MALRD1: variants seen among roughly 807,000 people sequenced by gnomAD.
The protein encoded by MALRD1 is MAM and LDL receptor class A domain containing 1, also known as MAM and LDL-receptor class A domain-containing protein 1.
Under a neutral mutation model 242.1 loss-of-function variants are expected in MALRD1, and 247 were observed. That is an observed-to-expected ratio of 1.02 (90% CI 0.92 to 1.13). The LOEUF is 1.13. MALRD1 is among the 50% of genes most tolerant of loss of function. MALRD1 has a pLI of 0.00. For missense variants in MALRD1, 2,989 were observed against 2,533.1 expected, an observed-to-expected ratio of 1.18 and a Z score of -3.86; for synonymous variants, 995 against 866.6, an observed-to-expected ratio of 1.15 and a Z score of -2.60.
At chr10:19,366,706 C>T (rs1276179012) in intron 26 of MALRD1, among the ~76,000 whole-genome samples, 1 of 152,026 alleles carries the variant, frequency 6.6e-6, no homozygotes, top group Non-Finnish European at 1.5e-5. Flanking sequence ...ACCATTAGAC[C>T]TTGTGCATTA....
rs368550525 is a variant in MALRD1 at position 19,327,577 on chromosome 10, A to C, written c.3591A>C (p.Lys1197Asn). 2.1e-5 allele frequency: 33 copies of C among 1,549,748 alleles called. No homozygotes were observed. The African/African-American group carries it at 3.6e-4, about 17-fold the overall frequency. Residue 1197 changes from lysine (K) to asparagine (N), a missense_variant, in exon 23 of 40, where the codon AAA becomes AAC. Physicochemically the swap from Lys to Asn is moderately conservative, Grantham distance 94. Transcript: ENST00000454679. Reference sequence around the variant, plus strand: ...TATCTCTATAGGTGCTCATCAAGAAAGATAACGTTACTTCTAAATTGTGGG... The same window carrying C: ...TATCTCTATAGGTGCTCATCAAGAACGATAACGTTACTTCTAAATTGTGGG... The part of the protein sequence containing the change: ...TVGSLQVLIK[K>N]DNVTSKLWAQ...
chr10:19,079,001 A>G (rs11008395), intron 2 of MALRD1, among the ~76,000 whole-genome samples: 42,167 of 150,220 alleles, frequency 0.28, 6,302 homozygotes, highest in African/African-American at 0.39. Context: ...TGTATTTTCT[A>G]TTTTATTTAT....
intron 2 of MALRD1, among the ~76,000 whole-genome samples, chr10:19,078,802 G>A (rs1835396528): frequency 6.6e-6 from 1 of 151,678 alleles, no homozygotes; most frequent in Non-Finnish European, 1.5e-5. Context: ...TTGGTAGTAT[G>A]AAATTATTCA....
At chr10:19,717,310 A>C (rs781485792) in intron 38 of MALRD1, among the ~76,000 whole-genome samples, 4 of 152,210 alleles carry the variant, frequency 2.6e-5, no homozygotes, top group African/African-American at 7.2e-5. Flanking sequence ...GACTTGTACT[A>C]ATGACTTGAA....
chr10:19,268,056 A>T (rs1300231672), intron 19 of MALRD1, among the ~76,000 whole-genome samples: 1 of 152,166 alleles, frequency 6.6e-6, no homozygotes, highest in Non-Finnish European at 1.5e-5. Context: ...ATTGAGAGAA[A>T]TGCTAAATGT....
At chr10:19,047,566 A>C (rs1211250394), upstream of MALRD1, among the ~76,000 whole-genome samples, 1 of 152,166 alleles carries the variant, frequency 6.6e-6, no homozygotes, top group Non-Finnish European at 1.5e-5. Flanking sequence ...CATTTAAGGG[A>C]CAAGCAAAGA....
chr10:19,053,832 A>C (rs1834582487), intron 1 of MALRD1, among the ~76,000 whole-genome samples: 2 of 152,086 alleles, frequency 1.3e-5, no homozygotes, highest in South Asian at 4.1e-4. Flanking sequence ...AAAAGAAAAT[A>C]AGTTCTTATT....
intron 14 of MALRD1, among the ~76,000 whole-genome samples, chr10:19,198,451 C>T (rs541177067): frequency 6.6e-6 from 1 of 152,290 alleles, no homozygotes; most frequent in South Asian, 2.1e-4. Context: ...TGCAAATAAA[C>T]TTGTCTGACC....
In MALRD1 at chr10:19,615,607, A is replaced by G. The variant is rs557609017; in HGVS notation, c.6071-250A>G. ...AAATTAAACAAGTAAATAATTTTTT[A>G]AAAAGTCTTCTGTTTTTGCGGATTA... On this transcript the variant is annotated intron_variant, in intron 35 of 39. Transcript: ENST00000454679. Among the ~76,000 whole-genome samples the G allele has an allele frequency of 2.6e-5, 4 of 151,800 alleles. No individual in the cohort carries two copies. In the South Asian group the frequency reaches 8.3e-4, roughly 32 times the overall value.
chr10:19,280,229 T>C lies in MALRD1; in HGVS notation c.3256+6T>C, dbSNP rs1167662902. The C allele has an allele frequency of 6.8e-6, 10 of 1,478,390 alleles. No individual in the cohort carries two copies. The South Asian group carries it at 1.1e-4, about 16-fold the overall frequency. 91.6% of individuals were successfully genotyped at this position (1,478,390 alleles called of 1,614,324 possible). ...ATCAGATGAAGCATCCTGTGGTAGG[T>C]GGATTCTTAAAATTTGTTTAAATAC... On this transcript the variant is annotated splice_donor_region_variant and intron_variant, in intron 20 of 39. Coordinates refer to ENST00000454679, the MANE Select transcript of MALRD1 (RefSeq NM_001142308.3).
chr10:19,677,450 T>G (rs1842181567), intron 36 of MALRD1, among the ~76,000 whole-genome samples: 1 of 152,236 alleles, frequency 6.6e-6, no homozygotes, highest in South Asian at 2.1e-4. Context: ...GTTTGTTGGC[T>G]GCATAAGTAT....
rs535242130 is a variant in MALRD1, at chr10:19,568,383, C to T, written c.5680+680C>T. Reference sequence around the variant, plus strand: ...TTGTTGTTGTTGTTTTTTCCTAACACTCCTACTCAAAGTTTCTTTTCTTTT... The same window carrying T: ...TTGTTGTTGTTGTTTTTTCCTAACATTCCTACTCAAAGTTTCTTTTCTTTT... On this transcript the variant is annotated intron_variant, in intron 33 of 39. Coordinates refer to ENST00000454679, the MANE Select transcript of MALRD1 (RefSeq NM_001142308.3). Among the ~76,000 whole-genome samples the T allele has an allele frequency of 7.4e-5, 11 of 148,460 alleles. No homozygotes were observed. The South Asian group carries it at 2.3e-3, about 31-fold the overall frequency.
At chr10:19,630,046 C>T (rs933165335) in intron 36 of MALRD1, among the ~76,000 whole-genome samples, 3 of 152,160 alleles carry the variant, frequency 2.0e-5, no homozygotes, top group African/African-American at 7.2e-5. Flanking sequence ...TGGGACTTTT[C>T]TTATCCTCTG....
At chr10:19,246,795 T>G (rs183276746) in intron 18 of MALRD1, among the ~76,000 whole-genome samples, 252 of 152,230 alleles carry the variant, frequency 1.7e-3, no homozygotes, top group Middle Eastern at 3.4e-3. Flanking sequence ...TTGTCAGAAT[T>G]GAATACTTAA....
At chr10:19,393,769 T>G (rs996761742) in intron 28 of MALRD1, among the ~76,000 whole-genome samples, 9 of 152,078 alleles carry the variant, frequency 5.9e-5, no homozygotes, top group African/African-American at 2.2e-4. Flanking sequence ...TGGGGTTAAT[T>G]AATGATGAGT....
At chr10:19,160,698 T>A (rs1834356990) in intron 12 of MALRD1, among the ~76,000 whole-genome samples, 3 of 58,702 alleles carry the variant, frequency 5.1e-5, no homozygotes, top group African/African-American at 1.4e-4. Context: ...TGGGAGAGTG[T>A]ATGTGTCGAG....
intron 17 of MALRD1, among the ~76,000 whole-genome samples, chr10:19,208,194 A>G (rs1300442196): frequency 6.6e-6 from 1 of 152,116 alleles, no homozygotes; most frequent in Non-Finnish European, 1.5e-5. Context: ...GAATTGGTCT[A>G]GGGACTGAAG....
chr10:19,541,054 G>A (rs1321634309), intron 32 of MALRD1, among the ~76,000 whole-genome samples: 3 of 152,124 alleles, frequency 2.0e-5, no homozygotes, highest in African/African-American at 4.8e-5. Flanking sequence ...CCTTTTTATT[G>A]TATTTCTTTT....
At chr10:19,587,800 A>G (rs1436106998) in intron 33 of MALRD1, among the ~76,000 whole-genome samples, 1 of 152,160 alleles carries the variant, frequency 6.6e-6, no homozygotes, top group African/African-American at 2.4e-5. Flanking sequence ...CAGGAATTGG[A>G]ACTGTCTGCA....
Sources: gnomAD v4.1 joint callset for allele counts (sites outside exome capture counted in the v4.1 genomes callset) on GRCh38, gnomAD v4.1.1 for gene constraint, MANE v1.5 for transcripts, NCBI Gene and HGNC (gene_info 2026-07-23, HGNC 2026-07-21) for gene names.